CTNNA2: variants seen among roughly 807,000 people sequenced by gnomAD.
The protein encoded by CTNNA2 is catenin alpha-2.
In CTNNA2, 42 loss-of-function variants were observed where a neutral mutation model predicts 101.0. The ratio of observed to expected loss-of-function variants is 0.42; its 90% CI spans 0.32 to 0.54. The LOEUF (loss-of-function observed/expected upper bound fraction) is 0.54. Among genes scored for constraint, CTNNA2 ranks in the 20% least tolerant of loss-of-function variants. The pLI is 0.14. For synonymous variants in CTNNA2, 450 were observed against 456.4 expected (o/e 0.99, Z 0.18); for missense variants, 871 against 1,223.1 (o/e 0.71, Z 4.29).
At position 79,187,902 on chromosome 2, in the gene CTNNA2, A is replaced by C. The variant is rs1348239951; in HGVS notation, c.-524+2471A>C. Among the ~76,000 whole-genome samples the C allele has an allele frequency of 2.0e-5, 3 of 152,212 alleles. No homozygotes were observed. The East Asian group carries it at 5.8e-4, about 29-fold the overall frequency. ...CATGAGTTATTAGGAAGAAACATAC[A>C]AAATAAATTAAACCAAGTAATAAAC... On this transcript the variant is annotated intron_variant, in intron 1 of 21. Transcript: ENST00000466387.
chr2:79,594,106 C>T (rs909210748), intron 1 of CTNNA2, among the ~76,000 whole-genome samples: 2 of 152,104 alleles, frequency 1.3e-5, no homozygotes, highest in East Asian at 3.9e-4. Context: ...CCAGGCTGGT[C>T]TTGAACACCT....
At position 79,385,304 on chromosome 2, in the gene CTNNA2, C is replaced by T. The variant is rs145876065; in HGVS notation, c.-135+11291C>T. Reference sequence around the variant, plus strand: ...CCACTTTGCCACTCATTAAGGTTGCCGTCTTATTTTGGTGTAACCACTACA... The same window carrying T: ...CCACTTTGCCACTCATTAAGGTTGCTGTCTTATTTTGGTGTAACCACTACA... On this transcript the variant is annotated intron_variant, in intron 4 of 21. Transcript: ENST00000466387. 3.9e-4 allele frequency among the ~76,000 whole-genome samples: 60 copies of T among 152,210 alleles called. 1 individual carries two copies. The highest frequency in any genetic ancestry group is 1.4e-3 in the African/African-American group (58 of 41,556).
At chr2:79,788,456 C>T (rs1675018710) in intron 3 of CTNNA2, among the ~76,000 whole-genome samples, 1 of 152,048 alleles carries the variant, frequency 6.6e-6, no homozygotes, top group Admixed American at 6.6e-5. Context: ...TGAATAAATT[C>T]AGTTATAAAT....
At chr2:79,539,154 G>A (rs770220884) in intron 1 of CTNNA2, among the ~76,000 whole-genome samples, 5 of 152,186 alleles carry the variant, frequency 3.3e-5, no homozygotes, top group Non-Finnish European at 4.4e-5. Context: ...TATGGTGAAT[G>A]TGAGTCAGCG....
At chr2:79,332,155 T>C (rs1676887525) in intron 3 of CTNNA2, among the ~76,000 whole-genome samples, 1 of 152,116 alleles carries the variant, frequency 6.6e-6, no homozygotes, top group East Asian at 1.9e-4. Context: ...TGAATTGTTA[T>C]TAAAATAACC....
At chr2:80,618,578 A>G (rs1230762813) in intron 17 of CTNNA2, 2 of 151,980 alleles carry the variant, frequency 1.3e-5, no homozygotes, top group African/African-American at 4.8e-5. Context: ...TCCCAATGAA[A>G]GAGGTAAGTA....
chr2:79,474,796 C>T (rs765985326), intron 4 of CTNNA2, among the ~76,000 whole-genome samples: 1 of 152,116 alleles, frequency 6.6e-6, no homozygotes, highest in Non-Finnish European at 1.5e-5. Context: ...AATTAGGTTG[C>T]TGATCTAGAT....
chr2:79,489,064 C>T (rs1324840241), intron 4 of CTNNA2, among the ~76,000 whole-genome samples: 2 of 152,214 alleles, frequency 1.3e-5, no homozygotes, highest in Middle Eastern at 3.4e-3. Flanking sequence ...ATGGCACTTT[C>T]GGCTCTCTTT....
intron 3 of CTNNA2, among the ~76,000 whole-genome samples, chr2:79,361,942 T>C (rs1420810967): frequency 6.6e-6 from 1 of 152,178 alleles, no homozygotes; most frequent in Non-Finnish European, 1.5e-5. Flanking sequence ...ACTCAAATAT[T>C]AATCTCCTTT....
At chr2:80,561,907 C>T (rs1000398099) in intron 12 of CTNNA2, among the ~76,000 whole-genome samples, 4 of 150,458 alleles carry the variant, frequency 2.7e-5, no homozygotes, top group African/African-American at 9.8e-5. Context: ...AACCCCTGAC[C>T]TCAGGTAATC....
intron 3 of CTNNA2, among the ~76,000 whole-genome samples, chr2:79,343,335 G>A (rs979040104): frequency 2.6e-5 from 4 of 152,068 alleles, no homozygotes; most frequent in Non-Finnish European, 4.4e-5. Flanking sequence ...GAATATGTGT[G>A]GAAAGAGATG....
intron 6 of CTNNA2, among the ~76,000 whole-genome samples, chr2:79,891,919 A>G (rs1156664427): frequency 2.6e-5 from 4 of 152,046 alleles, no homozygotes; most frequent in East Asian, 1.9e-4. Context: ...ACTTTTTTCC[A>G]TGAATATTCT....
At chr2:79,332,991 A>G (rs897325070) in intron 3 of CTNNA2, among the ~76,000 whole-genome samples, 6 of 152,198 alleles carry the variant, frequency 3.9e-5, no homozygotes, top group African/African-American at 1.4e-4. Context: ...TTATGACAAC[A>G]TTTGCTCTGG....
At chr2:79,863,988 G>A (rs1681834375) in intron 4 of CTNNA2, among the ~76,000 whole-genome samples, 1 of 152,190 alleles carries the variant, frequency 6.6e-6, no homozygotes, top group African/African-American at 2.4e-5. Context: ...TCTGCTGCAG[G>A]AGCCTGTTGA....
In CTNNA2 at chr2:79,466,334, G is replaced by A. The variant is rs963451512; in HGVS notation, c.-134-38720G>A. The stretch of plus-strand genomic sequence containing the variant: ...AAGGTGGCAGCAAGGCTGGGGGAGG[G>A]GTCCCCGCCATTGCTGAGGTTTGAG... On this transcript the variant is annotated intron_variant, in intron 4 of 21. Transcript: ENST00000466387. Among the ~76,000 whole-genome samples, 7 of 152,160 alleles carry A rather than the reference G, an allele frequency of 4.6e-5. 1 individual carries two copies.
At chr2:79,525,658 A>C (rs575886720) in intron 1 of CTNNA2, among the ~76,000 whole-genome samples, 1 of 152,122 alleles carries the variant, frequency 6.6e-6, no homozygotes, top group South Asian at 2.1e-4. Flanking sequence ...TAGATGATAT[A>C]ATTTTTACTG....
chr2:79,491,597 T>C (rs921981033), intron 4 of CTNNA2, among the ~76,000 whole-genome samples: 10 of 152,096 alleles, frequency 6.6e-5, no homozygotes, highest in Non-Finnish European at 1.5e-4. Context: ...CTCAGAAGAG[T>C]AACTCTGAAC....
intron 15 of CTNNA2, among the ~76,000 whole-genome samples, chr2:80,592,627 A>G (rs1304634880): frequency 6.6e-6 from 1 of 152,184 alleles, no homozygotes; most frequent in Non-Finnish European, 1.5e-5. Flanking sequence ...AATGCAGCTC[A>G]TTAGTAAAAT....
At position 79,619,236 on chromosome 2, in the gene CTNNA2, T is replaced by C. The variant is rs1017612044; in HGVS notation, c.-5-32316T>C. Among the ~76,000 whole-genome samples, 4 of 152,068 alleles carry C rather than the reference T, an allele frequency of 2.6e-5. No homozygotes were observed. In the East Asian group the frequency reaches 7.7e-4, roughly 29 times the overall value. Reference sequence around the variant, plus strand: ...AACAAAAGCAGTGGCCACCATACATTATCAGTTTTGAGAAGAATGAGCATA... The same window carrying C: ...AACAAAAGCAGTGGCCACCATACATCATCAGTTTTGAGAAGAATGAGCATA... On this transcript the variant is annotated intron_variant, in intron 1 of 18. Transcript: ENST00000402739.
Sources: gnomAD v4.1 joint callset for allele counts (sites outside exome capture counted in the v4.1 genomes callset) on GRCh38, gnomAD v4.1.1 for gene constraint, MANE v1.5 for transcripts, NCBI Gene and HGNC (gene_info 2026-07-23, HGNC 2026-07-21) for gene names.